The following FAM149A variants were observed in gnomAD, a reference collection of about 807,000 sequenced individuals.
The protein encoded by FAM149A is family with sequence similarity 149 member A.
A neutral mutation model predicts 78.2 loss-of-function variants in FAM149A; 71 were observed. The ratio of observed to expected loss-of-function variants is 0.91; its 90% CI spans 0.75 to 1.11. FAM149A has a LOEUF of 1.11. Among genes scored for constraint, FAM149A ranks in the 50% least tolerant of loss-of-function variants. The probability of loss-of-function intolerance (pLI) is 0.00; values close to 1 mark genes in which losing one functional copy is unlikely to be tolerated. For synonymous variants in FAM149A, 446 were observed against 410.5 expected, an observed-to-expected ratio of 1.09 and a Z score of -1.04; for missense variants, 1,036 against 971.0, an observed-to-expected ratio of 1.07 and a Z score of -0.89.
At position 186,104,773 on chromosome 4, in the gene FAM149A, G is replaced by GGCGGCGGGCGGCGGGC. The variant is rs548894495; in HGVS notation, c.-303_-302insCGGCGGGCGGCGGGCG. Among the ~76,000 whole-genome samples the GGCGGCGGGCGGCGGGC allele has an allele frequency of 1.3e-5, 2 of 149,604 alleles. No homozygotes were observed. The highest frequency in any genetic ancestry group is 5.0e-5 in the African/African-American group (2 of 40,158). ...GGCGGGCGGCGGGCGGCGGGCGTCTGGGGCGGGCGGCGGCCGCGCTTCCCG... is the reference window on the plus strand; with the variant it reads ...GGCGGGCGGCGGGCGGCGGGCGTCTGGCGGCGGGCGGCGGGCGGGCGGGCGGCGGCCGCGCTTCCCG... On this transcript the variant is annotated 5_prime_UTR_variant, in exon 1 of 14. Coordinates refer to ENST00000389354, the MANE Select transcript of FAM149A (RefSeq NM_001367768.3).
rs141003200 is a variant in FAM149A at position 186,134,872 on chromosome 4, A to T, written c.567-14301A>T. Among the ~76,000 whole-genome samples the T allele has an allele frequency of 2.5e-3, 382 of 152,266 alleles. 4 individuals carry two copies. The highest frequency in any genetic ancestry group is 8.7e-3 in the African/African-American group (360 of 41,568). ...AGTTCCTCTACTCCTTCAAACATTG[A>T]TTAAAGGTGTGCTGAGGCTAGGGTG... On this transcript the variant is annotated intron_variant, in intron 1 of 13. Transcript: ENST00000389354.
At chr4:186,141,995 C>G (rs2099325986) in intron 1 of FAM149A, among the ~76,000 whole-genome samples, 1 of 152,220 alleles carries the variant, frequency 6.6e-6, no homozygotes, top group African/African-American at 2.4e-5. Flanking sequence ...GACTTTTGGA[C>G]CCCCTTCCCC....
In FAM149A at chr4:186,125,784, T is replaced by A. The variant is rs1004092335; in HGVS notation, c.566+20142T>A. The A allele has an allele frequency of 4.1e-6, 4 of 985,198 alleles. No homozygotes were observed. In the African/African-American group the frequency reaches 5.2e-5, roughly 13 times the overall value. The allele number at this position is 985,198 out of a possible 1,614,324, so 61.0% of individuals were successfully genotyped here. On this transcript the variant is annotated intron_variant, in intron 1 of 13. Coordinates refer to ENST00000389354, the MANE Select transcript of FAM149A (RefSeq NM_001367768.3). The stretch of plus-strand genomic sequence containing the variant: ...AAGAACAGAGAGGCCGTGGGCAAGC[T>A]GGGGCCATGAATACCCAACCGTTTG...
In FAM149A at chr4:186,149,646, A is replaced by G; in HGVS notation, c.731A>G (p.Gln244Arg). The G allele has an allele frequency of 7.8e-7, 1 of 1,289,740 alleles. No individual in the cohort carries two copies. The highest frequency in any genetic ancestry group is 5.6e-5 in the East Asian group (1 of 18,012). 79.9% of individuals were successfully genotyped at this position (1,289,740 alleles called of 1,614,324 possible). The change falls in exon 3 of 14, where the codon CAG (glutamine) becomes CGG (arginine). Residue 244 changes from glutamine to arginine, a missense_variant. Transcript: ENST00000389354. The stretch of plus-strand genomic sequence containing the variant: ...ACCTCTTGGTCTGGGTCGGCCACAC[A>G]GAGCTCTACCACCGGCTCATCCACG...
At chr4:186,113,555 A>T (rs1431816356) in intron 1 of FAM149A, among the ~76,000 whole-genome samples, 2 of 122,246 alleles carry the variant, frequency 1.6e-5, no homozygotes, top group Non-Finnish European at 3.5e-5. Flanking sequence ...CCCTCTGCAC[A>T]CTGCTTCGAA....
chr4:186,171,511 A>G (rs1579948686), intron 13 of FAM149A, among the ~76,000 whole-genome samples: 1 of 152,236 alleles, frequency 6.6e-6, no homozygotes, highest in Admixed American at 6.5e-5. Context: ...TATTTCTGTG[A>G]TAGAAAAAAA....
intron 1 of FAM149A, among the ~76,000 whole-genome samples, chr4:186,145,715 A>C (rs1405080537): frequency 2.0e-5 from 3 of 152,208 alleles, no homozygotes; most frequent in Admixed American, 1.3e-4. Context: ...CCTGTCCCCA[A>C]ATCAACAGCC....
rs953037459 is a variant in FAM149A at position 186,105,636 on chromosome 4, G to T, written c.560G>T (p.Gly187Val). Residue 187 changes from glycine (G) to valine (V), a missense_variant, in exon 1 of 14, where the codon GGC (glycine) becomes GTC (valine). Transcript: ENST00000389354. ...GCCTCGGACGGCGACTCCGGGGATG[G>T]CGAAGCGTGAGTAGCAGCGTGGTCC... The T allele has an allele frequency of 6.6e-6, 7 of 1,064,118 alleles. No individual in the cohort carries two copies. The African/African-American group carries it at 1.0e-4, about 16-fold the overall frequency. 65.9% of individuals were successfully genotyped at this position (1,064,118 alleles called of 1,614,324 possible).
At chr4:186,148,999 GGTGTGTGTGT>G (rs70964919) in intron 1 of FAM149A, among the ~76,000 whole-genome samples, 164 bp from the exon 2 acceptor site, 31 of 148,078 alleles carry the variant, frequency 2.1e-4, no homozygotes, top group South Asian at 8.6e-4. Flanking sequence ...ATCAGGATGG[GGTGTGTGTGT>G]GTGTGTGTGT....
chr4:186,166,217 A>G (rs1197129830), intron 11 of FAM149A, among the ~76,000 whole-genome samples: 1 of 152,142 alleles, frequency 6.6e-6, no homozygotes, highest in Non-Finnish European at 1.5e-5. Context: ...TAGGAACATA[A>G]AGACATAGTG....
intron 5 of FAM149A, 151 bp downstream of exon 5, chr4:186,153,921 A>G: frequency 1.3e-6 from 1 of 743,540 alleles, no homozygotes; most frequent in Non-Finnish European, 2.2e-6. Context: ...TTTTTATAAG[A>G]AGCTTTTGAT....
intron 1 of FAM149A, among the ~76,000 whole-genome samples, chr4:186,138,632 T>A (rs13106058): frequency 0.36 from 54,664 of 152,028 alleles, 10,868 homozygotes; most frequent in East Asian, 0.52. Context: ...TCACGACAGT[T>A]TAGGGGAGTA....
chr4:186,146,880 T>A (rs1417712058), intron 1 of FAM149A: 1 of 985,492 alleles, frequency 1.0e-6, no homozygotes, highest in East Asian at 1.1e-4. Flanking sequence ...TTTGAGTTGC[T>A]AATTTCGTCT....
At chr4:186,158,349 T>C in intron 8 of FAM149A, 1 of 1,199,188 alleles carries the variant, frequency 8.3e-7, no homozygotes. Context: ...CTCTGTGCTG[T>C]GTGGAAGTCG....
chr4:186,110,170 G>A, intron 1 of FAM149A: 2 of 985,386 alleles, frequency 2.0e-6, no homozygotes, highest in Non-Finnish European at 2.4e-6. Context: ...AATGGATGAA[G>A]AAAATATTTT....
At chr4:186,155,209 T>A (rs983325215) in intron 6 of FAM149A, among the ~76,000 whole-genome samples, 2 of 152,010 alleles carry the variant, frequency 1.3e-5, no homozygotes, top group East Asian at 1.9e-4. Flanking sequence ...CTCGTGATCC[T>A]TCTGCCTCGG....
At chr4:186,116,639 G>A (rs1056648561) in intron 1 of FAM149A, 5 of 971,738 alleles carry the variant, frequency 5.1e-6, no homozygotes, top group Non-Finnish European at 6.1e-6. Context: ...CTGTCACCAG[G>A]CTGGCTGGAG....
At chr4:186,125,986 G>A in intron 1 of FAM149A, 1 of 985,340 alleles carries the variant, frequency 1.0e-6, no homozygotes, top group Non-Finnish European at 1.2e-6. Flanking sequence ...ACCTTCACAG[G>A]CCCCAAATTC....
chr4:186,117,032 CTCTT>C (rs2099314029), intron 1 of FAM149A, among the ~76,000 whole-genome samples: 1 of 152,090 alleles, frequency 6.6e-6, no homozygotes, highest in Admixed American at 6.6e-5. Context: ...GCTACCTAAC[CTCTT>C]TAAGCTTTAC....
Sources: allele counts gnomAD v4.1 joint callset (sites outside exome capture counted in the v4.1 genomes callset), GRCh38; gene constraint gnomAD v4.1.1; transcripts MANE v1.5; gene names NCBI Gene and HGNC (gene_info 2026-07-23, HGNC 2026-07-21).